ELP4: variants seen among roughly 807,000 people sequenced by gnomAD.
ELP4 encodes elongator acetyltransferase complex subunit 4.
A neutral mutation model predicts 48.9 loss-of-function variants in ELP4; 51 were observed. The observed-to-expected ratio is 1.04, with a 90% CI of 0.83 to 1.32. The LOEUF (loss-of-function observed/expected upper bound fraction) is 1.32, where lower values mean the gene tolerates loss of function less well. ELP4 is among the 40% of genes most tolerant of loss of function. ELP4 has a pLI of 0.00. For synonymous variants in ELP4, 210 were observed against 189.2 expected, an observed-to-expected ratio of 1.11 and a Z score of -0.90; for missense variants, 519 against 514.6, an observed-to-expected ratio of 1.01 and a Z score of -0.08.
chr11:31,783,303 A>G, intron 9 of ELP4, 90 bp from the exon 10 acceptor site: 1 of 1,159,106 alleles, frequency 8.6e-7, no homozygotes, highest in Non-Finnish European at 1.2e-6. Context: ...ACAGAGCATA[A>G]TATTGTAATC....
chr11:31,544,042 G>C (rs1013108179), intron 3 of ELP4, among the ~76,000 whole-genome samples: 1 of 152,250 alleles, frequency 6.6e-6, no homozygotes, highest in Non-Finnish European at 1.5e-5. Context: ...AATAGGAACA[G>C]CTCCGGTCTA....
intron 9 of ELP4, among the ~76,000 whole-genome samples, chr11:31,717,530 C>T (rs544815201): frequency 6.6e-5 from 10 of 151,592 alleles, no homozygotes; most frequent in East Asian, 1.9e-4. Context: ...CTGAAGTGGG[C>T]GGATCACAAG....
chr11:31,726,700 T>A (rs879328870), intron 9 of ELP4, among the ~76,000 whole-genome samples: 2 of 152,136 alleles, frequency 1.3e-5, no homozygotes, highest in Non-Finnish European at 2.9e-5. Context: ...AACACCACAT[T>A]ACCTTGTTTA....
At chr11:31,676,928 C>A (rs1344143650) in intron 9 of ELP4, among the ~76,000 whole-genome samples, 1 of 152,078 alleles carries the variant, frequency 6.6e-6, no homozygotes, top group African/African-American at 2.4e-5. Context: ...TTTTTTAAAA[C>A]CATGTACCTC....
At chr11:31,554,773 T>C (rs951252793) in intron 3 of ELP4, among the ~76,000 whole-genome samples, 1 of 152,178 alleles carries the variant, frequency 6.6e-6, no homozygotes, top group African/African-American at 2.4e-5. Context: ...CTCTGCTGTC[T>C]CTAGTTTTGA....
intron 9 of ELP4, among the ~76,000 whole-genome samples, chr11:31,678,805 C>T (rs1945993547): frequency 6.6e-6 from 1 of 152,072 alleles, no homozygotes; most frequent in Non-Finnish European, 1.5e-5. Flanking sequence ...TGTATAAGAG[C>T]ATATTTCATT....
chr11:31,519,947 C>A, intron 1 of ELP4, 109 bp from the exon 2 acceptor site: 1 of 934,856 alleles, frequency 1.1e-6, no homozygotes, highest in Non-Finnish European at 1.6e-6. Flanking sequence ...TTGTTCACAA[C>A]TACTGTTTTA....
intron 9 of ELP4, among the ~76,000 whole-genome samples, chr11:31,732,898 A>C (rs1428955314): frequency 1.3e-5 from 2 of 152,226 alleles, no homozygotes; most frequent in African/African-American, 2.4e-5. Context: ...TGTACCCAGC[A>C]TCAGAGCACC....
At chr11:31,586,661 A>C (rs764212471) in intron 3 of ELP4, among the ~76,000 whole-genome samples, 2 of 151,772 alleles carry the variant, frequency 1.3e-5, no homozygotes, top group Non-Finnish European at 2.9e-5. Context: ...TTTTTGAGAC[A>C]GAGTCTTGCT....
intron 1 of ELP4, among the ~76,000 whole-genome samples, chr11:31,515,033 G>GTGTGTGTA (rs1263600301): frequency 4.3e-4 from 57 of 133,984 alleles, no homozygotes; most frequent in African/African-American, 1.0e-3. Context: ...GTGTGTGTGT[G>GTGTGTGTA]TATATATATA....
At chr11:31,599,736 C>T (rs1957745886) in intron 4 of ELP4, 1 of 152,242 alleles carries the variant, frequency 6.6e-6, no homozygotes, top group Non-Finnish European at 1.5e-5. Context: ...CATCAGATCT[C>T]CTGAGAACTC....
chr11:31,775,265 G>A (rs1035827153), intron 9 of ELP4, among the ~76,000 whole-genome samples: 23 of 152,086 alleles, frequency 1.5e-4, no homozygotes, highest in Admixed American at 7.2e-4. Context: ...TGAAACACAC[G>A]GAGAATTGGC....
chr11:31,560,359 T>C (rs1245880281), intron 3 of ELP4, among the ~76,000 whole-genome samples: 2 of 152,094 alleles, frequency 1.3e-5, no homozygotes, highest in Admixed American at 1.3e-4. Context: ...TTAGTAACAT[T>C]TCAGTTATAT....
At chr11:31,635,499 C>T (rs1944955177) in intron 7 of ELP4, among the ~76,000 whole-genome samples, 1 of 151,920 alleles carries the variant, frequency 6.6e-6, no homozygotes, top group Admixed American at 6.6e-5. Context: ...CTTGTTCAAC[C>T]TAGATACTAG....
chr11:31,760,173 C>G (rs1176170643), intron 9 of ELP4, among the ~76,000 whole-genome samples: 1 of 152,200 alleles, frequency 6.6e-6, no homozygotes, highest in Non-Finnish European at 1.5e-5. Context: ...ATACCAACTT[C>G]TCCTCCAGTG....
chr11:31,704,493 G>C (rs1239484776), intron 9 of ELP4, among the ~76,000 whole-genome samples: 1 of 152,010 alleles, frequency 6.6e-6, no homozygotes, highest in Non-Finnish European at 1.5e-5. Context: ...GTTGTGGGGT[G>C]GGAGGAGGGG....
intron 9 of ELP4, among the ~76,000 whole-genome samples, chr11:31,770,836 GAAA>G (rs60053913): frequency 7.8e-5 from 4 of 51,586 alleles, no homozygotes; most frequent in South Asian, 6.3e-4. Flanking sequence ...TGTCAAAAAA[GAAA>G]AAAAAAAAAA....
chr11:31,550,608 C>G (rs1956832150), intron 3 of ELP4, among the ~76,000 whole-genome samples: 1 of 151,924 alleles, frequency 6.6e-6, no homozygotes, highest in Non-Finnish European at 1.5e-5. Flanking sequence ...GATTGGGAGA[C>G]AAAAAAGAGT....
rs769770738 is a variant in ELP4 at position 31,783,549 on chromosome 11, C to G, written c.*25C>G. On this transcript the variant is annotated 3_prime_UTR_variant, in exon 10 of 10. Transcript: ENST00000640961. ...GGGATTCCTCCTTAGTCGCTGCATG[C>G]AGAATTCTATGACACTCTAATTATG... 3.1e-6 allele frequency: 5 copies of G among 1,609,078 alleles called. No individual in the cohort carries two copies. Among genetic ancestry groups the G allele is most frequent in the Non-Finnish European group, 4.2e-6 (5 of 1,177,130 alleles).
Sources: gnomAD v4.1 joint callset for allele counts (sites outside exome capture counted in the v4.1 genomes callset) on GRCh38, gnomAD v4.1.1 for gene constraint, MANE v1.5 for transcripts, NCBI Gene and HGNC (gene_info 2026-07-23, HGNC 2026-07-21) for gene names.